MPPED2: variants seen among roughly 807,000 people sequenced by gnomAD.
MPPED2 encodes the protein metallophosphoesterase domain containing 2.
In MPPED2, 5 loss-of-function variants were observed where a neutral mutation model predicts 33.0. The ratio of observed to expected loss-of-function variants is 0.15; its 90% CI spans 0.08 to 0.32. The LOEUF (loss-of-function observed/expected upper bound fraction) is 0.32. MPPED2 is among the 10% of genes least tolerant of loss of function. The pLI is 1.00. For missense variants in MPPED2, 275 were observed against 372.1 expected (o/e 0.74, Z 2.15); for synonymous variants, 136 against 141.9 (o/e 0.96, Z 0.29).
chr11:30,553,849 A>T (rs1179611554), intron 2 of MPPED2, among the ~76,000 whole-genome samples: 1 of 152,184 alleles, frequency 6.6e-6, no homozygotes, highest in Non-Finnish European at 1.5e-5. Context: ...ATTATTGTCA[A>T]CAAGAAGAAA....
At chr11:30,575,877 C>A (rs1956909027) in intron 2 of MPPED2, among the ~76,000 whole-genome samples, 1 of 152,156 alleles carries the variant, frequency 6.6e-6, no homozygotes, top group South Asian at 2.1e-4. Flanking sequence ...CCAACCCTGA[C>A]AAACCAAAAT....
chr11:30,440,602 T>C (rs1949528684), intron 4 of MPPED2, among the ~76,000 whole-genome samples: 1 of 152,220 alleles, frequency 6.6e-6, no homozygotes, highest in Non-Finnish European at 1.5e-5. Flanking sequence ...AGAAGCTCAA[T>C]GAGGTTAACC....
At chr11:30,556,409 G>A (rs1375898023) in intron 2 of MPPED2, among the ~76,000 whole-genome samples, 2 of 152,112 alleles carry the variant, frequency 1.3e-5, no homozygotes, top group African/African-American at 4.8e-5. Context: ...TCAATCAGTG[G>A]AACTATCCCA....
At chr11:30,546,253 A>G (rs1331362356) in intron 2 of MPPED2, among the ~76,000 whole-genome samples, 2 of 152,192 alleles carry the variant, frequency 1.3e-5, no homozygotes, top group Non-Finnish European at 2.9e-5. Context: ...CAAAATGTGG[A>G]TTATTTCCAA....
intron 1 of MPPED2, chr11:30,584,265 T>C (rs1350051412): frequency 6.6e-6 from 1 of 152,126 alleles, no homozygotes; most frequent in Non-Finnish European, 1.5e-5. Flanking sequence ...AATTCTCTAC[T>C]TTGGATTGGT....
chr11:30,513,250 C>T (rs1953332040), intron 3 of MPPED2, among the ~76,000 whole-genome samples: 1 of 152,138 alleles, frequency 6.6e-6, no homozygotes, highest in Non-Finnish European at 1.5e-5. Flanking sequence ...CATGGTTAAG[C>T]CTAGTTCCTC....
intron 2 of MPPED2, among the ~76,000 whole-genome samples, chr11:30,539,263 T>C (rs935981785): frequency 6.6e-6 from 1 of 152,184 alleles, no homozygotes; most frequent in Non-Finnish European, 1.5e-5. Context: ...TTTTCATCCT[T>C]AGTTTACAAC....
chr11:30,576,640 C>T (rs1274793662), intron 2 of MPPED2, among the ~76,000 whole-genome samples: 1 of 152,120 alleles, frequency 6.6e-6, no homozygotes, highest in African/African-American at 2.4e-5. Flanking sequence ...TTGGCTCCTT[C>T]AGCACCTCCT....
chr11:30,396,651 A>G (rs570338900), intron 6 of MPPED2, among the ~76,000 whole-genome samples: 105 of 152,222 alleles, frequency 6.9e-4, no homozygotes, highest in African/African-American at 2.4e-3. Flanking sequence ...CATAATTTCA[A>G]TTTAGGTGCC....
chr11:30,432,086 T>G (rs964995134), intron 4 of MPPED2, among the ~76,000 whole-genome samples: 2 of 151,928 alleles, frequency 1.3e-5, no homozygotes, highest in Non-Finnish European at 2.9e-5. Context: ...TGAGAATTGC[T>G]TGAACCCAGG....
chr11:30,572,093 C>G (rs1053864506), intron 2 of MPPED2, among the ~76,000 whole-genome samples: 3 of 152,090 alleles, frequency 2.0e-5, no homozygotes, highest in Non-Finnish European at 4.4e-5. Flanking sequence ...TTTATCCCTA[C>G]AAATGTAGGT....
rs1318727368 is a variant in MPPED2 at position 30,583,140 on chromosome 11, T to TTC, written c.-121-2647_-121-2646insGA. Among the ~76,000 whole-genome samples the TTC allele has an allele frequency of 6.7e-3, 224 of 33,298 alleles. 7 individuals carry two copies. Among genetic ancestry groups the TTC allele is most frequent in the Admixed American group, 0.02 (39 of 1,938 alleles). 21.8% of individuals were successfully genotyped at this position (33,298 alleles called of 152,430 possible). A position where few individuals can be genotyped will look rare whatever the true frequency, so the allele number is the denominator to read the frequency against. On this transcript the variant is annotated intron_variant, in intron 1 of 6. Transcript: ENST00000358117. ...CACCTGGAAAAGACTTTTTCTTTTTTTTTTTTTTTTTTTTTTTTTTTTTTT... is the reference window on the plus strand; with the variant it reads ...CACCTGGAAAAGACTTTTTCTTTTTTTCTTTTTTTTTTTTTTTTTTTTTTTTT...
chr11:30,414,572 A>C, intron 5 of MPPED2, among the ~76,000 whole-genome samples: 1 of 148,078 alleles, frequency 6.8e-6, no homozygotes. Context: ...GTTAATTAAC[A>C]TTTTTTTTTC....
intron 2 of MPPED2, among the ~76,000 whole-genome samples, chr11:30,566,594 A>G (rs1374615380): frequency 1.3e-5 from 2 of 152,152 alleles, no homozygotes; most frequent in Admixed American, 6.5e-5. Flanking sequence ...ACAAGGCAGC[A>G]CTCACTTCCT....
At chr11:30,566,201 A>C (rs980286784) in intron 2 of MPPED2, among the ~76,000 whole-genome samples, 5 of 152,150 alleles carry the variant, frequency 3.3e-5, no homozygotes, top group African/African-American at 1.2e-4. Flanking sequence ...ATCTTAATTA[A>C]TTTAATGCTT....
chr11:30,540,600 C>G (rs904400290), intron 2 of MPPED2, among the ~76,000 whole-genome samples: 5 of 152,030 alleles, frequency 3.3e-5, no homozygotes, highest in African/African-American at 1.2e-4. Context: ...ACCTCCATCT[C>G]TTTTTCTGTT....
In MPPED2 at chr11:30,530,028, G is replaced by C. The variant is rs142636474; in HGVS notation, c.310+5966C>G. 2.0e-5 allele frequency among the ~76,000 whole-genome samples: 3 copies of C among 152,308 alleles called. No homozygotes were observed. In the East Asian group the frequency reaches 5.8e-4, roughly 29 times the overall value. On this transcript the variant is annotated intron_variant, in intron 3 of 6. Coordinates refer to ENST00000358117, the MANE Select transcript of MPPED2 (RefSeq NM_001584.3). ...ATTAAAAGTTCATGGCAATGATGCTGTGTTAAAAGGAATTTTTGACTGACT... is the reference window on the plus strand; with the variant it reads ...ATTAAAAGTTCATGGCAATGATGCTCTGTTAAAAGGAATTTTTGACTGACT...
intron 4 of MPPED2, among the ~76,000 whole-genome samples, chr11:30,478,717 T>C (rs1951335311): frequency 1.3e-5 from 2 of 152,168 alleles, no homozygotes; most frequent in African/African-American, 2.4e-5. Context: ...GTCTATGAAA[T>C]GGCTAAGGAT....
At chr11:30,529,895 A>G (rs1954420442) in intron 3 of MPPED2, among the ~76,000 whole-genome samples, 1 of 152,164 alleles carries the variant, frequency 6.6e-6, no homozygotes, top group South Asian at 2.1e-4. Context: ...TCTTCTTGAG[A>G]TTTTCCTTGA....
Sources: gnomAD v4.1 joint callset for allele counts (sites outside exome capture counted in the v4.1 genomes callset) on GRCh38, gnomAD v4.1.1 for gene constraint, MANE v1.5 for transcripts, NCBI Gene and HGNC (gene_info 2026-07-23, HGNC 2026-07-21) for gene names.